TFEC: variants seen among roughly 807,000 people sequenced by gnomAD.
The protein encoded by TFEC is class E basic helix-loop-helix protein 34.
Under a neutral mutation model 41.6 loss-of-function variants are expected in TFEC, and 31 were observed. The observed-to-expected ratio is 0.74, with a 90% CI of 0.56 to 1.01. The LOEUF is 1.01. Ranked by LOEUF, TFEC falls within the 50% of genes least tolerant of loss-of-function variation. The probability of loss-of-function intolerance (pLI) is 0.00; values close to 1 mark genes in which losing one functional copy is unlikely to be tolerated. For synonymous variants in TFEC, 143 were observed against 140.6 expected, an observed-to-expected ratio of 1.02 and a Z score of -0.12; for missense variants, 402 against 404.1, an observed-to-expected ratio of 0.99 and a Z score of 0.04.
chr7:116,013,646 G>T (rs747076616), intron 1 of TFEC, among the ~76,000 whole-genome samples: 2 of 152,038 alleles, frequency 1.3e-5, no homozygotes, highest in Non-Finnish European at 2.9e-5. Context: ...CATGTATTTT[G>T]ATTGTAATAG....
At chr7:115,983,634 C>T (rs1452664152) in intron 2 of TFEC, among the ~76,000 whole-genome samples, 1 of 152,126 alleles carries the variant, frequency 6.6e-6, no homozygotes, top group Admixed American at 6.6e-5. Flanking sequence ...CATACTTCAA[C>T]ATTTTCTGAA....
chr7:116,016,427 T>C (rs1795192463), intron 1 of TFEC, among the ~76,000 whole-genome samples: 2 of 152,088 alleles, frequency 1.3e-5, no homozygotes, highest in Non-Finnish European at 2.9e-5. Context: ...TGCTAATGAC[T>C]CCCAAATTTG....
chr7:116,021,826 TAC>T (rs567867547), intron 1 of TFEC, among the ~76,000 whole-genome samples: 108 of 152,334 alleles, frequency 7.1e-4, no homozygotes, highest in African/African-American at 2.3e-3. Flanking sequence ...TTCCAATGTA[TAC>T]AGTTTTAGCT....
chr7:116,036,807 G>C (rs1227594357), intron 3 of TFEC, among the ~76,000 whole-genome samples: 1 of 151,896 alleles, frequency 6.6e-6, no homozygotes, highest in Non-Finnish European at 1.5e-5. Flanking sequence ...ACAAAAACTG[G>C]TATCAGGAAT....
chr7:116,073,931 T>C (rs976296611), intron 3 of TFEC, among the ~76,000 whole-genome samples: 1 of 151,834 alleles, frequency 6.6e-6, no homozygotes, highest in Non-Finnish European at 1.5e-5. Flanking sequence ...TATGGTCAAT[T>C]GACTTTCAGC....
At chr7:115,982,589 A>C (rs1183235134) in intron 2 of TFEC, among the ~76,000 whole-genome samples, 2 of 152,224 alleles carry the variant, frequency 1.3e-5, no homozygotes, top group Admixed American at 1.3e-4. Flanking sequence ...CTGTGATTAA[A>C]TGGACATTAA....
intron 3 of TFEC, among the ~76,000 whole-genome samples, chr7:116,096,951 G>A (rs185700142): frequency 3.9e-4 from 60 of 152,096 alleles, no homozygotes; most frequent in Admixed American, 1.1e-3. Flanking sequence ...TTAGCTGAGC[G>A]TGGTGCCGCA....
intron 6 of TFEC, among the ~76,000 whole-genome samples, chr7:115,943,691 T>C (rs1328855064): frequency 6.6e-6 from 1 of 151,660 alleles, no homozygotes; most frequent in Non-Finnish European, 1.5e-5. Flanking sequence ...AAATATTATA[T>C]AGGGTGGTAC....
At chr7:116,070,834 G>A (rs76184668) in intron 3 of TFEC, among the ~76,000 whole-genome samples, 4,120 of 151,252 alleles carry the variant, frequency 0.027, 197 homozygotes, top group African/African-American at 0.093. Flanking sequence ...TATTAGAGAA[G>A]CATGAAAAAA....
At chr7:115,950,453 T>G (rs1168930834) in intron 6 of TFEC, among the ~76,000 whole-genome samples, 5 of 152,154 alleles carry the variant, frequency 3.3e-5, no homozygotes, top group Non-Finnish European at 7.4e-5. Flanking sequence ...TACTTGTGTG[T>G]CTCCAAAATT....
intron 1 of TFEC, among the ~76,000 whole-genome samples, chr7:116,020,912 T>C (rs2130853889): frequency 6.6e-6 from 1 of 152,242 alleles, no homozygotes; most frequent in African/African-American, 2.4e-5. Context: ...TTTCAAACTC[T>C]CAATATGAAT....
chr7:116,023,010 G>A (rs1795456857), intron 1 of TFEC, among the ~76,000 whole-genome samples: 4 of 151,490 alleles, frequency 2.6e-5, no homozygotes, highest in Admixed American at 2.6e-4. Context: ...TAACCAGCTT[G>A]CTTTAAAATC....
intron 1 of TFEC, among the ~76,000 whole-genome samples, chr7:116,118,022 T>C (rs2116177137): frequency 6.6e-6 from 1 of 152,006 alleles, no homozygotes; most frequent in South Asian, 2.1e-4. Context: ...ATAAGAGCAC[T>C]AAAAGCATCT....
intron 1 of TFEC, among the ~76,000 whole-genome samples, chr7:116,014,738 G>T (rs1584698559): frequency 6.6e-6 from 1 of 152,014 alleles, no homozygotes; most frequent in South Asian, 2.1e-4. Flanking sequence ...GATTATCCTG[G>T]ATTATCGTGC....
intron 3 of TFEC, among the ~76,000 whole-genome samples, chr7:115,964,109 T>C (rs1277365092): frequency 6.6e-6 from 1 of 151,580 alleles, no homozygotes; most frequent in African/African-American, 2.4e-5. Context: ...ATGCTCACGG[T>C]TGACAAAAAT....
Position 115,940,557 on chromosome 7 carries a change from T to C in TFEC, c.1038A>G (p.Glu346=). 3 of 1,608,160 alleles carry C rather than the reference T, an allele frequency of 1.9e-6. No individual in the cohort carries two copies. The highest frequency in any genetic ancestry group is 2.5e-6 in the Non-Finnish European group (3 of 1,176,644). Residue 346 remains glutamate, a synonymous_variant, in exon 8 of 8, where the codon GAA becomes GAG. Transcript: ENST00000265440. ...RSSFSSDDGD[E]L is the part of the protein sequence containing the mutation. ...AATTGGGTCTGTTTATTTCTTATAA[T>C]TCATCACCATCATCTGAGCTAAAGC...
At chr7:116,062,388 G>T (rs1796584395) in intron 3 of TFEC, among the ~76,000 whole-genome samples, 1 of 149,972 alleles carries the variant, frequency 6.7e-6, no homozygotes, top group South Asian at 2.1e-4. Context: ...TGGCACCATT[G>T]TATCATTCTT....
chr7:116,033,133 CAAA>C (rs58740686), upstream of TFEC, among the ~76,000 whole-genome samples: 1 of 147,756 alleles, frequency 6.8e-6, no homozygotes. Context: ...CATGATTCAT[CAAA>C]AAAAAAAAAA....
Position 116,030,722 on chromosome 7 carries a change from A to T in TFEC, c.-162T>A. ...TCCCATAACATATGCACCATGCCAG[A>T]AGGGACAACCAAAGTAAACGATCTA... On this transcript the variant is annotated 5_prime_UTR_variant, in exon 1 of 8. Transcript: ENST00000265440. The T allele has an allele frequency of 1.0e-6, 1 of 985,422 alleles. No individual in the cohort carries two copies. Among genetic ancestry groups the T allele is most frequent in the Non-Finnish European group, 1.2e-6 (1 of 829,936 alleles). The allele number at this position is 985,422 out of a possible 1,614,324, so 61.0% of individuals were successfully genotyped here.
Sources: gnomAD v4.1 joint callset for allele counts (sites outside exome capture counted in the v4.1 genomes callset) on GRCh38, gnomAD v4.1.1 for gene constraint, MANE v1.5 for transcripts, NCBI Gene and HGNC (gene_info 2026-07-23, HGNC 2026-07-21) for gene names.